USP32: variants seen among roughly 807,000 people sequenced by gnomAD.
USP32 encodes the protein ubiquitin carboxyl-terminal hydrolase 32.
Under a neutral mutation model 204.8 loss-of-function variants are expected in USP32, and 59 were observed. The observed-to-expected ratio is 0.29, with a 90% CI of 0.23 to 0.36. USP32 has a LOEUF of 0.36. USP32 is among the 10% of genes least tolerant of loss of function. The pLI, the probability that USP32 is intolerant of heterozygous loss-of-function variation, is 1.00. For missense variants in USP32, 1,160 were observed against 1,946.4 expected (o/e 0.60, Z 7.60); for synonymous variants, 517 against 678.4 (o/e 0.76, Z 3.70).
At chr17:60,413,247 T>A in intron 1 of USP32, among the ~76,000 whole-genome samples, 1 of 152,062 alleles carries the variant, frequency 6.6e-6, no homozygotes, top group East Asian at 1.9e-4. Flanking sequence ...ATCCCTGTGT[T>A]ATAGAACTGG....
chr17:60,261,650 AC>A (rs1399106606), intron 9 of USP32, among the ~76,000 whole-genome samples: 3 of 152,292 alleles, frequency 2.0e-5, no homozygotes, highest in Middle Eastern at 3.4e-3. Context: ...TCTCAAAAAA[AC>A]AAAAATAAAA....
At chr17:60,388,323 C>CACACACACACACACA (rs1396287994) in intron 1 of USP32, among the ~76,000 whole-genome samples, 2 of 150,944 alleles carry the variant, frequency 1.3e-5, no homozygotes, top group Non-Finnish European at 3.0e-5. Flanking sequence ...CACACACACA[C>CACACACACACACACA]ATCGCCTTAT....
chr17:60,376,560 G>A (rs1249032358), intron 1 of USP32, among the ~76,000 whole-genome samples: 1 of 149,708 alleles, frequency 6.7e-6, no homozygotes, highest in Non-Finnish European at 1.5e-5. Flanking sequence ...GTCTCACTCT[G>A]TCGCTCAGGC....
chr17:60,398,040 T>A (rs2089911136), intron 1 of USP32, among the ~76,000 whole-genome samples: 1 of 152,112 alleles, frequency 6.6e-6, no homozygotes. Context: ...TCCAAATGGA[T>A]TTGAAAGCTA....
upstream of USP32, among the ~76,000 whole-genome samples, chr17:60,394,562 C>T (rs1262144373): frequency 6.6e-6 from 1 of 152,016 alleles, no homozygotes; most frequent in Admixed American, 6.6e-5. Context: ...AGAATATGAC[C>T]GCATGTGTCG....
chr17:60,183,546 T>G, intron 30 of USP32, 93 bp from the exon 31 acceptor site: 2 of 1,445,264 alleles, frequency 1.4e-6, no homozygotes, highest in Admixed American at 2.3e-5. Context: ...TGTGAATGTT[T>G]GGGAATATAT....
intron 30 of USP32, among the ~76,000 whole-genome samples, chr17:60,184,769 C>G (rs2084205773): frequency 6.9e-6 from 1 of 145,232 alleles, no homozygotes; most frequent in Non-Finnish European, 1.5e-5. Flanking sequence ...GAGATTACAC[C>G]ACTGCACTAC....
intron 27 of USP32, among the ~76,000 whole-genome samples, chr17:60,196,531 A>G (rs2084522720): frequency 6.6e-6 from 1 of 152,220 alleles, no homozygotes; most frequent in South Asian, 2.1e-4. Context: ...ATTTATTTAA[A>G]TAACTTATTT....
intron 12 of USP32, among the ~76,000 whole-genome samples, chr17:60,232,658 T>C (rs542925227): frequency 6.6e-6 from 1 of 151,726 alleles, no homozygotes; most frequent in South Asian, 2.1e-4. Context: ...GCTATTCTTG[T>C]GTCTCAGCCT....
intron 9 of USP32, among the ~76,000 whole-genome samples, chr17:60,262,336 T>C (rs946517356): frequency 2.6e-5 from 4 of 152,152 alleles, no homozygotes; most frequent in African/African-American, 9.7e-5. Context: ...GAATTACAGA[T>C]GCCCAACACC....
intron 29 of USP32, among the ~76,000 whole-genome samples, chr17:60,189,350 T>C (rs147531613): frequency 1.2e-3 from 189 of 152,288 alleles, no homozygotes; most frequent in Non-Finnish European, 1.9e-3. Flanking sequence ...CAGTCCTCCA[T>C]AGCACAACAA....
chr17:60,229,659 T>C (rs2085491483), intron 12 of USP32, among the ~76,000 whole-genome samples: 1 of 152,240 alleles, frequency 6.6e-6, no homozygotes, highest in Non-Finnish European at 1.5e-5. Context: ...CCAAGTCACT[T>C]TGTTTTCCTC....
intron 16 of USP32, among the ~76,000 whole-genome samples, chr17:60,215,465 A>G (rs533611021): frequency 1.6e-4 from 25 of 151,556 alleles, no homozygotes; most frequent in Admixed American, 2.6e-4. Context: ...AAACTCAGTG[A>G]AAAAAAAATT....
At chr17:60,258,019 T>C (rs558565121) in intron 9 of USP32, 1 of 157,824 alleles carries the variant, frequency 6.3e-6, no homozygotes, top group African/African-American at 2.4e-5. Flanking sequence ...AGTCTTCCTC[T>C]GGCACAAATG....
intron 1 of USP32, chr17:60,421,735 G>A (rs2090118077): frequency 2.9e-5 from 23 of 797,516 alleles, no homozygotes; most frequent in Non-Finnish European, 3.5e-5. Flanking sequence ...GACTACACCC[G>A]GACTCTGCCC....
chr17:60,281,223 A>G (rs550537954), intron 5 of USP32, among the ~76,000 whole-genome samples: 1 of 152,286 alleles, frequency 6.6e-6, no homozygotes, highest in Non-Finnish European at 1.5e-5. Flanking sequence ...CACAAATATA[A>G]GAGGATGCAT....
At chr17:60,235,109 T>C (rs1437788002) in intron 12 of USP32, among the ~76,000 whole-genome samples, 1 of 152,214 alleles carries the variant, frequency 6.6e-6, no homozygotes, top group Non-Finnish European at 1.5e-5. Flanking sequence ...AAGATCTCTA[T>C]TGTGTTCCTA....
chr17:60,225,927 C>T, intron 13 of USP32, 112 bp downstream of exon 13: 1 of 1,224,792 alleles, frequency 8.2e-7, no homozygotes, highest in African/African-American at 1.6e-5. Flanking sequence ...GCGCTCCAGC[C>T]TGGGCAAAAT....
chr17:60,306,432 G>A (rs560308174), intron 2 of USP32, among the ~76,000 whole-genome samples: 6 of 152,318 alleles, frequency 3.9e-5, no homozygotes, highest in African/African-American at 1.4e-4. Context: ...GAGGTCAGGA[G>A]TTCGAGAGCT....
Sources: gnomAD v4.1 joint callset for allele counts (sites outside exome capture counted in the v4.1 genomes callset) on GRCh38, gnomAD v4.1.1 for gene constraint, MANE v1.5 for transcripts, NCBI Gene and HGNC (gene_info 2026-07-23, HGNC 2026-07-21) for gene names.